ROBO2: variants seen among roughly 807,000 people sequenced by gnomAD.
ROBO2 encodes the protein roundabout guidance receptor 2.
In ROBO2, 53 loss-of-function variants were observed where a neutral mutation model predicts 160.8. The ratio of observed to expected loss-of-function variants is 0.33; its 90% CI spans 0.26 to 0.41. The LOEUF (loss-of-function observed/expected upper bound fraction) is 0.41. Among genes scored for constraint, ROBO2 ranks in the 10% least tolerant of loss-of-function variants. The probability of loss-of-function intolerance (pLI) is 1.00; values close to 1 mark genes in which losing one functional copy is unlikely to be tolerated. For missense variants in ROBO2, 1,577 were observed against 1,722.4 expected (o/e 0.92, Z 1.49); for synonymous variants, 664 against 611.7 (o/e 1.09, Z -1.26).
At chr3:77,291,536 C>G (rs2061257185) in intron 2 of ROBO2, among the ~76,000 whole-genome samples, 3 of 150,430 alleles carry the variant, frequency 2.0e-5, no homozygotes, top group Non-Finnish European at 4.4e-5. Flanking sequence ...TAGGCTGAGG[C>G]TAGATCACCC....
intron 2 of ROBO2, among the ~76,000 whole-genome samples, chr3:75,937,840 T>TA (rs1947857788): frequency 5.2e-4 from 35 of 67,354 alleles, no homozygotes; most frequent in African/African-American, 1.3e-3. Context: ...TGGAATTGAT[T>TA]TTATATATAT....
At chr3:75,974,166 C>T (rs1263333440) in intron 2 of ROBO2, among the ~76,000 whole-genome samples, 1 of 151,348 alleles carries the variant, frequency 6.6e-6, no homozygotes, top group East Asian at 2.0e-4. Flanking sequence ...GAATATAGTG[C>T]GTTTGGTGAA....
At chr3:77,028,092 T>C (rs66462738) in intron 2 of ROBO2, among the ~76,000 whole-genome samples, 8,571 of 152,010 alleles carry the variant, frequency 0.056, 274 homozygotes, top group Middle Eastern at 0.082. Context: ...ATTTCCTTAC[T>C]CCTCTTCATA....
chr3:76,145,201 T>C (rs62268946), intron 2 of ROBO2, among the ~76,000 whole-genome samples: 54,433 of 151,790 alleles, frequency 0.36, 11,351 homozygotes, highest in South Asian at 0.48. Flanking sequence ...CTTCTAACCT[T>C]GGAATCTGAC....
At chr3:77,076,791 ATTTTGAG>A (rs1460849499) in intron 1 of ROBO2, among the ~76,000 whole-genome samples, 7 of 152,208 alleles carry the variant, frequency 4.6e-5, no homozygotes, top group Non-Finnish European at 4.4e-5. Context: ...CTTACAGACA[ATTTTGAG>A]TTTTCGTGTG....
chr3:76,421,327 C>T (rs1049115075), intron 2 of ROBO2, among the ~76,000 whole-genome samples: 3 of 151,688 alleles, frequency 2.0e-5, no homozygotes, highest in African/African-American at 4.8e-5. Flanking sequence ...AAACAATAGC[C>T]GAAAAAAGGT....
chr3:76,729,083 T>C (rs552859309), intron 2 of ROBO2, among the ~76,000 whole-genome samples: 100 of 152,322 alleles, frequency 6.6e-4, no homozygotes, highest in Middle Eastern at 3.4e-3. Flanking sequence ...CTCAGTCATT[T>C]GAGACAGTTT....
intron 17 of ROBO2, among the ~76,000 whole-genome samples, chr3:77,592,233 A>T (rs1417497046): frequency 6.6e-6 from 1 of 152,172 alleles, no homozygotes; most frequent in African/African-American, 2.4e-5. Flanking sequence ...TAAGGTCATC[A>T]AATATTTACA....
At chr3:77,516,534 G>A (rs1160362263) in intron 5 of ROBO2, among the ~76,000 whole-genome samples, 4 of 151,374 alleles carry the variant, frequency 2.6e-5, no homozygotes, top group Middle Eastern at 3.2e-3. Context: ...TATACATTCT[G>A]CTAAAATTAT....
chr3:77,008,185 G>A (rs777731889), intron 2 of ROBO2, among the ~76,000 whole-genome samples: 22 of 151,850 alleles, frequency 1.4e-4, no homozygotes, highest in Non-Finnish European at 2.4e-4. Context: ...AAAGAAGTTC[G>A]GTTTCTTGAA....
intron 2 of ROBO2, among the ~76,000 whole-genome samples, chr3:77,445,806 T>G (rs1460568608): frequency 6.6e-6 from 1 of 150,974 alleles, no homozygotes; most frequent in East Asian, 1.9e-4. Context: ...TTTTTTTTTT[T>G]TTTTTGCTAA....
At chr3:76,105,786 G>A (rs1271188807) in intron 2 of ROBO2, among the ~76,000 whole-genome samples, 1 of 151,912 alleles carries the variant, frequency 6.6e-6, no homozygotes. Flanking sequence ...CTCTGTGAGG[G>A]CAGCTGAGTC....
intron 2 of ROBO2, among the ~76,000 whole-genome samples, chr3:76,356,211 A>G (rs2075151408): frequency 6.6e-6 from 1 of 151,724 alleles, no homozygotes; most frequent in South Asian, 2.1e-4. Flanking sequence ...GAAATGGAAG[A>G]GGTCTAATGG....
chr3:77,433,503 T>C (rs1326783820), intron 2 of ROBO2, among the ~76,000 whole-genome samples: 1 of 111,432 alleles, frequency 9.0e-6, no homozygotes, highest in Non-Finnish European at 1.8e-5. Context: ...TATATATATA[T>C]ATATATATAT....
intron 2 of ROBO2, among the ~76,000 whole-genome samples, chr3:76,938,971 C>CAAAAAAAAAAAAAAA (rs71629626): frequency 1.6e-4 from 18 of 114,596 alleles, no homozygotes; most frequent in African/African-American, 5.7e-4. Context: ...AACTCAGTCT[C>CAAAAAAAAAAAAAAA]AAAAAAAAAA....
intron 2 of ROBO2, among the ~76,000 whole-genome samples, chr3:76,119,285 T>C (rs889291213): frequency 6.6e-6 from 1 of 152,154 alleles, no homozygotes; most frequent in Non-Finnish European, 1.5e-5. Context: ...CTATTTATAA[T>C]GGTGTGTTTT....
intron 2 of ROBO2, among the ~76,000 whole-genome samples, chr3:77,282,488 T>C (rs1014745791): frequency 1.3e-5 from 2 of 152,064 alleles, no homozygotes; most frequent in African/African-American, 4.8e-5. Flanking sequence ...ATGCTTTCTT[T>C]ATTATTAATA....
intron 2 of ROBO2, among the ~76,000 whole-genome samples, chr3:76,098,122 G>A (rs369955712): frequency 1.8e-4 from 28 of 152,194 alleles, no homozygotes; most frequent in East Asian, 1.4e-3. Flanking sequence ...GTAGGTGTAC[G>A]TGTTAATATC....
chr3:76,281,602 G>A lies in ROBO2; in HGVS notation c.109+344000G>A, dbSNP rs184013285. 1.1e-4 allele frequency among the ~76,000 whole-genome samples: 16 copies of A among 149,266 alleles called. No individual in the cohort carries two copies. In the East Asian group the frequency reaches 3.2e-3, roughly 30 times the overall value. ...TGTTAAGTTCTAACTTATCCTGTGT[G>A]TGACTTTTCTTACATCACTTCCCTT... On this transcript the variant is annotated intron_variant, in intron 2 of 26. Coordinates refer to the ROBO2 transcript ENST00000487694.
Sources: allele counts gnomAD v4.1 joint callset (sites outside exome capture counted in the v4.1 genomes callset), GRCh38; gene constraint gnomAD v4.1.1; transcripts MANE v1.5; gene names NCBI Gene and HGNC (gene_info 2026-07-23, HGNC 2026-07-21).